Variants in SENP1 observed in about 807,000 individuals in gnomAD.
SENP1 encodes the protein SUMO specific peptidase 1.
Under a neutral mutation model 93.0 loss-of-function variants are expected in SENP1, and 21 were observed. That is an observed-to-expected ratio of 0.23 (90% CI 0.16 to 0.33). The LOEUF is 0.33. Among genes scored for constraint, SENP1 ranks in the 10% least tolerant of loss-of-function variants. The pLI, the probability that SENP1 is intolerant of heterozygous loss-of-function variation, is 1.00. For missense variants in SENP1, 591 were observed against 758.7 expected (o/e 0.78, Z 2.60); for synonymous variants, 256 against 259.6 (o/e 0.99, Z 0.13).
intron 1 of SENP1, 106 bp downstream of exon 1, chr12:48,105,922 C>T: frequency 3.0e-6 from 2 of 662,524 alleles, no homozygotes; most frequent in South Asian, 3.2e-5. Flanking sequence ...CAGTGCTCCC[C>T]GCTTCCGCCC....
intron 13 of SENP1, among the ~76,000 whole-genome samples, chr12:48,057,207 ATTT>A (rs1279918187): frequency 8.1e-6 from 1 of 123,216 alleles, no homozygotes; most frequent in Non-Finnish European, 1.8e-5. Context: ...CATATATATT[ATTT>A]ATTATATATA....
At chr12:48,084,447 G>A (rs558927493) in intron 5 of SENP1, among the ~76,000 whole-genome samples, 74 of 109,448 alleles carry the variant, frequency 6.8e-4, no homozygotes, top group African/African-American at 2.4e-3. Context: ...CTAATTTTGA[G>A]TTTTTTTTTT....
chr12:48,046,472 A>T (rs186389904), intron 16 of SENP1, 21 bp from the exon 17 acceptor site: 1 of 1,495,102 alleles, frequency 6.7e-7, no homozygotes, highest in South Asian at 1.1e-5. Flanking sequence ...AACAACAAAA[A>T]AAATGACATC....
intron 1 of SENP1, among the ~76,000 whole-genome samples, chr12:48,103,645 C>CAA (rs1217716096): frequency 6.9e-6 from 1 of 145,406 alleles, no homozygotes; most frequent in East Asian, 2.0e-4. Flanking sequence ...CCACCAAATT[C>CAA]AAGCAACTGT....
At chr12:48,068,109 G>A (rs1359477864) in intron 9 of SENP1, among the ~76,000 whole-genome samples, 1 of 151,956 alleles carries the variant, frequency 6.6e-6, no homozygotes, top group African/African-American at 2.4e-5. Context: ...CATGACCTCC[G>A]GTGATCCATC....
Position 48,058,049 on chromosome 12 carries a change from G to A in SENP1, c.1407+5661C>T, listed in dbSNP as rs140021298. On this transcript the variant is annotated intron_variant, in intron 13 of 17. Transcript: ENST00000549518. ...TAACCTCCACCTCCCAGGTTCAAGC[G>A]ATTCTCCTGCCTCAGCCTTCCAGGT... Among the ~76,000 whole-genome samples, 1,264 of 142,342 alleles carry A rather than the reference G, an allele frequency of 8.9e-3. 25 individuals carry two copies. Among genetic ancestry groups the A allele is most frequent in the African/African-American group, 0.03 (1,170 of 38,628 alleles). The allele number at this position is 142,342 out of a possible 152,430, so 93.4% of individuals were successfully genotyped here.
chr12:48,097,454 A>G (rs900821337), intron 3 of SENP1, among the ~76,000 whole-genome samples: 1 of 152,220 alleles, frequency 6.6e-6, no homozygotes, highest in African/African-American at 2.4e-5. Context: ...CTATTGAAAA[A>G]GACTGCTTAA....
At chr12:48,090,200 A>G (rs1945131707) in intron 4 of SENP1, among the ~76,000 whole-genome samples, 1 of 152,224 alleles carries the variant, frequency 6.6e-6, no homozygotes, top group Non-Finnish European at 1.5e-5. Flanking sequence ...TAGAAACATG[A>G]TGCTAATGAA....
chr12:48,053,179 T>C (rs147182408), intron 13 of SENP1, among the ~76,000 whole-genome samples: 3 of 152,206 alleles, frequency 2.0e-5, no homozygotes, highest in South Asian at 2.1e-4. Context: ...TTCTGAAAGT[T>C]AGAATGCTAG....
intron 15 of SENP1, 69 bp from the exon 16 acceptor site, chr12:48,047,131 G>A: frequency 1.0e-6 from 1 of 954,292 alleles, no homozygotes; most frequent in South Asian, 1.4e-5. Context: ...ACTAAGAATG[G>A]GGCTGACAAT....
chr12:48,052,718 AAGAC>A (rs777977327), intron 13 of SENP1, among the ~76,000 whole-genome samples: 6 of 152,212 alleles, frequency 3.9e-5, no homozygotes, highest in Non-Finnish European at 8.8e-5. Context: ...CTTTTAGAGA[AAGAC>A]AGGCAAGCAA....
In SENP1 at chr12:48,047,071, A is replaced by G. The variant is rs758045606; in HGVS notation, c.1692-9T>C. 2.5e-6 allele frequency: 4 copies of G among 1,581,244 alleles called. No individual in the cohort carries two copies. The South Asian group carries it at 3.3e-5, about 13-fold the overall frequency. The stretch of plus-strand genomic sequence containing the variant: ...CTTGCTTTAGGTATTGCCTAAAGGT[A>G]TCAGGAGAGAATGAGATAAGCAGTG... On this transcript the variant is annotated splice_polypyrimidine_tract_variant and intron_variant, in intron 15 of 17. Coordinates refer to ENST00000549518, the MANE Select transcript of SENP1 (RefSeq NM_001267594.2).
chr12:48,054,734 G>C (rs1942093956), intron 13 of SENP1: 1 of 152,226 alleles, frequency 6.6e-6, no homozygotes, highest in African/African-American at 2.4e-5. Flanking sequence ...AGGTTGCAGT[G>C]AGCCAAGATC....
chr12:48,091,470 T>TAA (rs1291474548), intron 4 of SENP1, among the ~76,000 whole-genome samples: 1 of 151,422 alleles, frequency 6.6e-6, no homozygotes, highest in Non-Finnish European at 1.5e-5. Context: ...AAAAAGAATG[T>TAA]GTCAGCTAAC....
intron 5 of SENP1, chr12:48,085,043 G>A (rs562517908): frequency 5.6e-5 from 68 of 1,209,548 alleles, no homozygotes; most frequent in Non-Finnish European, 6.8e-5. Flanking sequence ...TCTGGGGTGA[G>A]CTCTGCCTGG....
In SENP1 at chr12:48,080,987, C is replaced by A. The variant is rs533712703; in HGVS notation, c.552+2604G>T. 2.0e-5 allele frequency among the ~76,000 whole-genome samples: 3 copies of A among 152,244 alleles called. No homozygotes were observed. In the South Asian group the frequency reaches 6.2e-4, roughly 32 times the overall value. ...GGAAGGGTAAAATTGCCCAAGCAAC[C>A]CCCAGTCCTCAGGCTGGCAGAGGAG... is the stretch of plus-strand genomic sequence containing the variant. On this transcript the variant is annotated intron_variant, in intron 6 of 17. Coordinates refer to ENST00000549518, the MANE Select transcript of SENP1 (RefSeq NM_001267594.2).
Position 48,066,985 on chromosome 12 carries a change from A to C in SENP1, c.996-20T>G. On this transcript the variant is annotated intron_variant, in intron 9 of 17. Coordinates refer to ENST00000549518, the MANE Select transcript of SENP1 (RefSeq NM_001267594.2). ...GTAGAACTATGGGTAGGAAAAGAAA[A>C]ATTTGACAAATGAGCAGGAGGCTTA... 6.6e-7 allele frequency: 1 copy of C among 1,518,092 alleles called. No homozygotes were observed. The allele number at this position is 1,518,092 out of a possible 1,614,324, so 94.0% of individuals were successfully genotyped here.
At chr12:48,047,960 T>A (rs942713681) in intron 15 of SENP1, 41 bp downstream of exon 15, 3 of 1,317,276 alleles carry the variant, frequency 2.3e-6, no homozygotes, top group Non-Finnish European at 3.3e-6. Flanking sequence ...ACACCACCTA[T>A]ACCCGATATC....
chr12:48,082,967 C>T (rs1433391538), intron 6 of SENP1, among the ~76,000 whole-genome samples: 1 of 152,136 alleles, frequency 6.6e-6, no homozygotes, highest in Admixed American at 6.5e-5. Context: ...TGCAGTGACA[C>T]AAAGCAAGTC....
Sources: allele counts gnomAD v4.1 joint callset (sites outside exome capture counted in the v4.1 genomes callset), GRCh38; gene constraint gnomAD v4.1.1; transcripts MANE v1.5; gene names NCBI Gene and HGNC (gene_info 2026-07-23, HGNC 2026-07-21).